Variants in ENPP6 observed in about 807,000 individuals in gnomAD.
The protein encoded by ENPP6 is ectonucleotide pyrophosphatase/phosphodiesterase 6, also known as glycerophosphocholine cholinephosphodiesterase ENPP6.
Under a neutral mutation model 42.0 loss-of-function variants are expected in ENPP6, and 32 were observed. The observed-to-expected ratio is 0.76, with a 90% CI of 0.58 to 1.02. The LOEUF (loss-of-function observed/expected upper bound fraction) is 1.02, where lower values mean the gene tolerates loss of function less well. Ranked by LOEUF, ENPP6 falls within the 50% of genes least tolerant of loss-of-function variation. ENPP6 has a pLI of 0.00. For missense variants in ENPP6, 552 were observed against 566.8 expected (o/e 0.97, Z 0.27); for synonymous variants, 213 against 216.0 (o/e 0.99, Z 0.12).
At chr4:184,171,820 G>A (rs1272446802) in intron 1 of ENPP6, among the ~76,000 whole-genome samples, 7 of 151,800 alleles carry the variant, frequency 4.6e-5, no homozygotes, top group Admixed American at 1.3e-4. Context: ...TATCCGGCAC[G>A]ATTCGAGATG....
At chr4:184,122,106 C>G (rs533676044) in intron 3 of ENPP6, among the ~76,000 whole-genome samples, 1 of 152,276 alleles carries the variant, frequency 6.6e-6, no homozygotes, top group East Asian at 1.9e-4. Flanking sequence ...TTCTGGTGGC[C>G]CTGTTAACTT....
chr4:184,176,310 C>G (rs1470337457), intron 1 of ENPP6, among the ~76,000 whole-genome samples: 3 of 152,194 alleles, frequency 2.0e-5, no homozygotes, highest in Non-Finnish European at 4.4e-5. Context: ...AAATAGGATG[C>G]AAGGTGCATT....
At chr4:184,211,176 A>G (rs1184677681) in intron 1 of ENPP6, among the ~76,000 whole-genome samples, 2 of 151,676 alleles carry the variant, frequency 1.3e-5, no homozygotes, top group Admixed American at 6.6e-5. Context: ...CAATTAAAAG[A>G]ACTAGAAAAG....
chr4:184,208,683 A>G lies in ENPP6; in HGVS notation c.241+8896T>C, dbSNP rs1469884829. On this transcript the variant is annotated intron_variant, in intron 1 of 7. Coordinates refer to ENST00000296741, the MANE Select transcript of ENPP6 (RefSeq NM_153343.4). ...GGGGGAGGGGCGCCCGCCATTGCCC[A>G]GGCTTGCTTAGGTAAACAAAGCAGC... Among the ~76,000 whole-genome samples the G allele has an allele frequency of 1.1e-3, 168 of 149,092 alleles. 1 individual carries two copies. The highest frequency in any genetic ancestry group is 4.0e-3 in the African/African-American group (158 of 39,656).
At chr4:184,159,788 T>C (rs1056089165) in intron 1 of ENPP6, among the ~76,000 whole-genome samples, 14 of 152,214 alleles carry the variant, frequency 9.2e-5, no homozygotes, top group African/African-American at 3.4e-4. Flanking sequence ...TGTAGTCTTT[T>C]ATCCCTCACC....
chr4:184,136,803 T>A lies in ENPP6; in HGVS notation c.422-12531A>T, dbSNP rs139130343. ...TTTTCACCAGTTCTGAAATCCATGA[T>A]GCTCTTTCCTGTTTCACAGCACTTC... On this transcript the variant is annotated intron_variant, in intron 2 of 7. Coordinates refer to ENST00000296741, the MANE Select transcript of ENPP6 (RefSeq NM_153343.4). Among the ~76,000 whole-genome samples, 323 of 152,356 alleles carry A rather than the reference T, an allele frequency of 2.1e-3. 1 individual carries two copies. The highest frequency in any genetic ancestry group is 7.3e-3 in the African/African-American group (304 of 41,588).
intron 1 of ENPP6, among the ~76,000 whole-genome samples, chr4:184,179,663 A>C (rs1309558184): frequency 6.6e-6 from 1 of 151,784 alleles, no homozygotes; most frequent in African/African-American, 2.4e-5. Context: ...AACAAAAAAA[A>C]CCACAGTCTC....
chr4:184,097,385 C>T lies in ENPP6; in HGVS notation c.994-17G>A. 3 of 1,613,668 alleles carry T rather than the reference C, an allele frequency of 1.9e-6. No homozygotes were observed. Among genetic ancestry groups the T allele is most frequent in the East Asian group, 2.2e-5 (1 of 44,862 alleles). Reference sequence around the variant, plus strand: ...CTCTCGATTCTGAAACCAAGCAAGGCAGACACATGACACTACGTCCTGACC... The same window carrying T: ...CTCTCGATTCTGAAACCAAGCAAGGTAGACACATGACACTACGTCCTGACC... On this transcript the variant is annotated splice_polypyrimidine_tract_variant and intron_variant, in intron 6 of 7. Transcript: ENST00000296741.
At position 184,091,197 on chromosome 4, in the gene ENPP6, G is replaced by A. The variant is rs1322245967; in HGVS notation, c.1303C>T (p.Leu435Phe). The stretch of plus-strand genomic sequence containing the variant: ...ATCAGTTATGCAAGCAGGAAGAGAA[G>A]AATCAGTGCCAGGGCACAGTGGCTG... Reference protein sequence around the residue: ...WPSHCALALILLFLLA With the variant: ...WPSHCALALIFLFLLA Residue 435 changes from leucine to phenylalanine, a missense_variant, in exon 8 of 8, where the codon CTT (leucine) becomes TTT (phenylalanine). Leu to Phe is a conservative substitution (Grantham distance 22). Transcript: ENST00000296741. 6.4e-7 allele frequency: 1 copy of A among 1,567,156 alleles called. No individual in the cohort carries two copies. Among genetic ancestry groups the A allele is most frequent in the Non-Finnish European group, 8.7e-7 (1 of 1,155,928 alleles).
intron 1 of ENPP6, among the ~76,000 whole-genome samples, chr4:184,200,241 G>A (rs368076282): frequency 2.9e-4 from 44 of 152,184 alleles, no homozygotes; most frequent in African/African-American, 1.1e-3. Context: ...GGCATCTGAT[G>A]CCAGAAGCGG....
At chr4:184,194,312 A>G (rs549450805) in intron 1 of ENPP6, among the ~76,000 whole-genome samples, 1 of 152,196 alleles carries the variant, frequency 6.6e-6, no homozygotes, top group Non-Finnish European at 1.5e-5. Context: ...GCTCCCCCTC[A>G]TCTTCCTGTG....
At chr4:184,100,482 A>G (rs542903366) in intron 6 of ENPP6, among the ~76,000 whole-genome samples, 19 of 152,156 alleles carry the variant, frequency 1.2e-4, no homozygotes, top group Non-Finnish European at 2.2e-4. Context: ...AGCGCCACCT[A>G]GTGACATCCG....
chr4:184,217,681 A>G lies in ENPP6; in HGVS notation c.139T>C (p.Leu47=), dbSNP rs970230598. ...CTCACAATCTCTTTGAAACCAGGCA[A>G]TGACTCCAGCGCCTCATCACTGATG... The part of the protein sequence containing the change: ...DYISDEALES[L]PGFKEIVSRG... Residue 47 remains leucine, a synonymous_variant, in exon 1 of 8, where the codon TTG becomes CTG. Coordinates refer to ENST00000296741, the MANE Select transcript of ENPP6 (RefSeq NM_153343.4). The G allele has an allele frequency of 1.2e-6, 2 of 1,614,230 alleles. No individual in the cohort carries two copies. The highest frequency in any genetic ancestry group is 1.7e-6 in the Non-Finnish European group (2 of 1,180,044).
chr4:184,102,216 C>T (rs1199961134), intron 6 of ENPP6, among the ~76,000 whole-genome samples: 2 of 152,166 alleles, frequency 1.3e-5, no homozygotes, highest in African/African-American at 4.8e-5. Context: ...TTGCATTCAG[C>T]ATTGTAGGAT....
chr4:184,131,197 C>CTTTCTT (rs1736613182), intron 2 of ENPP6, among the ~76,000 whole-genome samples: 1 of 47,932 alleles, frequency 2.1e-5, no homozygotes, highest in South Asian at 7.0e-4. Flanking sequence ...TTCTTTCTTT[C>CTTTCTT]TTTCTTCTTT....
intron 1 of ENPP6, among the ~76,000 whole-genome samples, chr4:184,208,021 C>CTTGG (rs75150644): frequency 0.22 from 32,724 of 152,008 alleles, 4,302 homozygotes; most frequent in East Asian, 0.72. Flanking sequence ...AACTTGGTCA[C>CTTGG]CTTTAAAGAC....
intron 2 of ENPP6, among the ~76,000 whole-genome samples, chr4:184,147,135 G>A (rs1240305874): frequency 6.6e-6 from 1 of 152,148 alleles, no homozygotes; most frequent in Non-Finnish European, 1.5e-5. Context: ...ATTCAGTGAA[G>A]AATCACCATC....
intron 1 of ENPP6, among the ~76,000 whole-genome samples, chr4:184,199,883 C>G (rs1030155357): frequency 6.6e-6 from 1 of 152,228 alleles, no homozygotes; most frequent in Non-Finnish European, 1.5e-5. Context: ...AAGAACCTCT[C>G]TATGGTATTT....
At chr4:184,185,388 G>A (rs1394111107) in intron 1 of ENPP6, among the ~76,000 whole-genome samples, 2 of 152,140 alleles carry the variant, frequency 1.3e-5, no homozygotes, top group African/African-American at 4.8e-5. Context: ...CCAAATGAGG[G>A]ACAACGCATC....
Sources: allele counts gnomAD v4.1 joint callset (sites outside exome capture counted in the v4.1 genomes callset), GRCh38; gene constraint gnomAD v4.1.1; transcripts MANE v1.5; gene names NCBI Gene and HGNC (gene_info 2026-07-23, HGNC 2026-07-21).